Variants in SVOP observed in about 807,000 individuals in gnomAD.
The protein encoded by SVOP is synaptic vesicle 2-related protein.
Under a neutral mutation model 69.1 loss-of-function variants are expected in SVOP, and 17 were observed. That is an observed-to-expected ratio of 0.25 (90% CI 0.17 to 0.37). SVOP has a LOEUF of 0.37. Ranked by LOEUF, SVOP falls within the 10% of genes least tolerant of loss-of-function variation. The probability of loss-of-function intolerance (pLI) is 1.00; values close to 1 mark genes in which losing one functional copy is unlikely to be tolerated. For synonymous variants in SVOP, 238 were observed against 238.6 expected, an observed-to-expected ratio of 1.00 and a Z score of 0.02; for missense variants, 435 against 597.5, an observed-to-expected ratio of 0.73 and a Z score of 2.84.
intron 6 of SVOP, among the ~76,000 whole-genome samples, chr12:108,946,713 T>TATTATTATG (rs2039925672): frequency 6.8e-6 from 1 of 147,430 alleles, no homozygotes; most frequent in Non-Finnish European, 1.5e-5. Context: ...TTATTATTAT[T>TATTATTATG]ATTATTATTA....
intron 1 of SVOP, among the ~76,000 whole-genome samples, chr12:108,984,000 T>C (rs2040155119): frequency 6.6e-6 from 1 of 152,224 alleles, no homozygotes; most frequent in Admixed American, 6.5e-5. Context: ...AATTCCAGGG[T>C]TTCCTATTCA....
intron 5 of SVOP, among the ~76,000 whole-genome samples, chr12:108,967,500 A>G (rs1384091819): frequency 6.6e-6 from 1 of 151,678 alleles, no homozygotes; most frequent in Non-Finnish European, 1.5e-5. Context: ...CTTTGTCTCA[A>G]TTAAAAAAAA....
intron 1 of SVOP, 78 bp downstream of exon 1, chr12:109,020,756 C>CCCT (rs1204071830): frequency 7.0e-6 from 2 of 284,946 alleles, no homozygotes; most frequent in Middle Eastern, 5.2e-4. Flanking sequence ...AGAGATGTAC[C>CCCT]CCCCCCCACC....
At chr12:108,966,244 A>G (rs1170690703) in intron 5 of SVOP, among the ~76,000 whole-genome samples, 1 of 152,184 alleles carries the variant, frequency 6.6e-6, no homozygotes, top group African/African-American at 2.4e-5. Flanking sequence ...AAGCTCAGAG[A>G]GGTGAAGCAT....
chr12:108,944,837 A>G (rs1056125940), intron 7 of SVOP, among the ~76,000 whole-genome samples: 3 of 152,234 alleles, frequency 2.0e-5, no homozygotes, highest in African/African-American at 7.2e-5. Context: ...TTTCCCGTTC[A>G]AGAAAAACAT....
intron 12 of SVOP, 72 bp downstream of exon 12, chr12:108,922,618 G>A: frequency 8.6e-7 from 1 of 1,163,678 alleles, no homozygotes; most frequent in Non-Finnish European, 1.3e-6. Flanking sequence ...AGGGTAGACA[G>A]AGCCACCAGC....
At chr12:109,012,024 T>C (rs1053539768) in intron 1 of SVOP, among the ~76,000 whole-genome samples, 5 of 152,170 alleles carry the variant, frequency 3.3e-5, no homozygotes, top group Non-Finnish European at 5.9e-5. Flanking sequence ...GGCTCATGCC[T>C]CTAATCCCAG....
intron 1 of SVOP, among the ~76,000 whole-genome samples, chr12:109,012,889 A>T (rs1368396855): frequency 1.3e-5 from 2 of 152,240 alleles, no homozygotes; most frequent in South Asian, 2.1e-4. Context: ...TGATTGTGCC[A>T]CTGCACTCGA....
chr12:109,014,415 G>A (rs1326055963), intron 1 of SVOP, among the ~76,000 whole-genome samples: 2 of 152,072 alleles, frequency 1.3e-5, no homozygotes, highest in Non-Finnish European at 2.9e-5. Context: ...TAGCAATATT[G>A]CACAATGGAA....
rs757632156 is a variant in SVOP at position 108,938,804 on chromosome 12, A to T, written c.897+23T>A. On this transcript the variant is annotated intron_variant, in intron 9 of 15. Transcript: ENST00000610966. ...ATGCACCCCGATACGCACATTGCAGAGTCTATTGGTCCAGGCACTGACCTG... is the reference window on the plus strand; with the variant it reads ...ATGCACCCCGATACGCACATTGCAGTGTCTATTGGTCCAGGCACTGACCTG... 6.8e-6 allele frequency: 11 copies of T among 1,613,870 alleles called. No individual in the cohort carries two copies. The South Asian group carries it at 1.2e-4, about 18-fold the overall frequency.
At chr12:108,962,144 G>T (rs1005137418) in intron 5 of SVOP, among the ~76,000 whole-genome samples, 2 of 152,096 alleles carry the variant, frequency 1.3e-5, no homozygotes, top group African/African-American at 4.8e-5. Flanking sequence ...TGTTGCCCGG[G>T]CTAGAGTGCA....
chr12:108,919,093 C>G (rs1186733430), intron 13 of SVOP, among the ~76,000 whole-genome samples: 6 of 151,352 alleles, frequency 4.0e-5, no homozygotes, highest in Non-Finnish European at 8.8e-5. Context: ...TACACTCACA[C>G]CTGGGTCTGT....
chr12:108,983,890 A>G, intron 1 of SVOP, 129 bp from the exon 2 acceptor site: 1 of 397,656 alleles, frequency 2.5e-6, no homozygotes, highest in Non-Finnish European at 4.4e-6. Context: ...GATGGGGGTT[A>G]GCATTTCTAT....
At chr12:108,993,725 G>A (rs1349376230) in intron 1 of SVOP, among the ~76,000 whole-genome samples, 3 of 152,190 alleles carry the variant, frequency 2.0e-5, no homozygotes, top group African/African-American at 4.8e-5. Flanking sequence ...GAGGGGTGGT[G>A]TGAAATGGGC....
chr12:108,969,997 G>C (rs1348238997), intron 5 of SVOP, among the ~76,000 whole-genome samples: 1 of 152,136 alleles, frequency 6.6e-6, no homozygotes, highest in Non-Finnish European at 1.5e-5. Flanking sequence ...GCCCATCATG[G>C]CTGCATTTAG....
rs760202056 is a variant in SVOP at position 108,912,557 on chromosome 12, G to T, written c.1625C>A (p.Ser542Ter). 1 of 1,613,748 alleles carries T rather than the reference G, an allele frequency of 6.2e-7. No individual in the cohort carries two copies. Residue 542 changes from serine to a stop codon, truncating the protein, a stop_gained, in exon 16 of 16, where the codon TCG becomes TAG. Transcript: ENST00000610966. LOFTEE classifies it high-confidence loss of function. The part of the protein sequence containing the change: ...RGMHGAGVTR[S>*]NSGSQE ...TCACTATTCCTGAGAGCCAGAGTTC[G>T]ACCTGGTAACACCTGCACCGTGCAT...
chr12:108,916,121 C>G (rs1229708978), intron 14 of SVOP, among the ~76,000 whole-genome samples: 3 of 152,106 alleles, frequency 2.0e-5, no homozygotes, highest in South Asian at 2.1e-4. Context: ...CTGGGGGGGG[C>G]TCCCCAAAGA....
Position 108,918,141 on chromosome 12 carries a change from G to C in SVOP, c.1269-17C>G, listed in dbSNP as rs1043492864. 3.9e-6 allele frequency: 6 copies of C among 1,538,546 alleles called. No individual in the cohort carries two copies. In the African/African-American group the frequency reaches 8.3e-5, roughly 21 times the overall value. On this transcript the variant is annotated splice_polypyrimidine_tract_variant and intron_variant, in intron 13 of 15. Transcript: ENST00000610966. ...AGCACATTTCTAGGAGGAGGATAAAGGCAGATGATGGCATTTTTTTCTGTC... is the reference window on the plus strand; with the variant it reads ...AGCACATTTCTAGGAGGAGGATAAACGCAGATGATGGCATTTTTTTCTGTC...
At chr12:108,938,630 T>C (rs1258808732) in intron 9 of SVOP, among the ~76,000 whole-genome samples, 197 bp downstream of exon 9, 3 of 152,176 alleles carry the variant, frequency 2.0e-5, no homozygotes, top group Admixed American at 6.5e-5. Flanking sequence ...GAAGTGAAAA[T>C]ACAGATTGGA....
Sources: gnomAD v4.1 joint callset for allele counts (sites outside exome capture counted in the v4.1 genomes callset) on GRCh38, gnomAD v4.1.1 for gene constraint, MANE v1.5 for transcripts, NCBI Gene and HGNC (gene_info 2026-07-23, HGNC 2026-07-21) for gene names.